The following PNKP variants were observed in gnomAD, a reference collection of about 807,000 sequenced individuals.
PNKP encodes polynucleotide kinase 3'-phosphatase, also known as bifunctional polynucleotide phosphatase/kinase.
PNKP carries 82 observed loss-of-function variants against 66.2 expected under a neutral mutation model. The ratio of observed to expected loss-of-function variants is 1.24; its 90% CI spans 1.04 to 1.49. PNKP has a LOEUF of 1.49. Ranked by LOEUF, PNKP falls within the 40% of genes most tolerant of loss-of-function variation. The pLI, the probability that PNKP is intolerant of heterozygous loss-of-function variation, is 0.00. For missense variants in PNKP, 907 were observed against 706.8 expected (o/e 1.28, Z -3.21); for synonymous variants, 412 against 298.9 (o/e 1.38, Z -3.90).
Position 49,861,469 on chromosome 19 carries a change from G to A in PNKP, c.1428C>T (p.Asp476=), listed in dbSNP as rs2074757222. Reference sequence around the variant, plus strand: ...AGTACCTGTAGCCATACATGACCATGTCTGACACGGGGATATGAGAGGAGT... The same window carrying A: ...AGTACCTGTAGCCATACATGACCATATCTGACACGGGGATATGAGAGGAGT... ...MTDSSHIPVS[D]MVMYGYRKQF... Residue 476 remains aspartate, a synonymous_variant, in exon 16 of 17, where the codon GAC becomes GAT. Coordinates refer to ENST00000322344, the MANE Select transcript of PNKP (RefSeq NM_007254.4). 1.9e-6 allele frequency: 3 copies of A among 1,613,416 alleles called. No individual in the cohort carries two copies. Among genetic ancestry groups the A allele is most frequent in the South Asian group, 2.2e-5 (2 of 91,060 alleles).
intron 4 of PNKP, among the ~76,000 whole-genome samples, 175 bp from the exon 5 acceptor site, chr19:49,864,578 G>T (rs887834666): frequency 6.6e-6 from 1 of 152,108 alleles, no homozygotes; most frequent in African/African-American, 2.4e-5. Flanking sequence ...CTCTGAGTGG[G>T]GCCCGACATC....
Position 49,861,597 on chromosome 19 carries a change from AGCGG to A in PNKP, c.1386+7_1386+10del. On this transcript the variant is annotated splice_region_variant and intron_variant, in intron 15 of 16. Coordinates refer to ENST00000322344, the MANE Select transcript of PNKP (RefSeq NM_007254.4). Reference sequence around the variant, plus strand: ...TGCAGCCCGGGGGGTGTCCGGGCTGAGCGGGCTCACCCGGTTGTTGTGGCGCGCC... The same window carrying A: ...TGCAGCCCGGGGGGTGTCCGGGCTGAGCTCACCCGGTTGTTGTGGCGCGCC... 1.3e-6 allele frequency: 2 copies of A among 1,559,500 alleles called. No individual in the cohort carries two copies. Among genetic ancestry groups the A allele is most frequent in the Non-Finnish European group, 1.7e-6 (2 of 1,152,962 alleles).
At chr19:49,861,994 GGA>G (rs765192654) in intron 13 of PNKP, 48 bp downstream of exon 13, 7 of 1,603,874 alleles carry the variant, frequency 4.4e-6, no homozygotes, top group Non-Finnish European at 5.1e-6. Context: ...GTTGAGAGGT[GGA>G]GATGGGAACT....
chr19:49,863,028 C>CAAAA (rs1568660924), intron 8 of PNKP, among the ~76,000 whole-genome samples: 1 of 152,146 alleles, frequency 6.6e-6, no homozygotes, highest in African/African-American at 2.4e-5. Flanking sequence ...GGCGTGCCGG[C>CAAAA]GCCTCCCAGG....
Position 49,862,546 on chromosome 19 carries a change from C to G in PNKP, c.928G>C (p.Asp310His), listed in dbSNP as rs749118287. The change falls in exon 10 of 17, where the codon GAT (aspartate) becomes CAT (histidine). Residue 310 changes from aspartate to histidine, a missense_variant. By Grantham distance (81) the Asp-to-His change is moderately conservative. Transcript: ENST00000322344. ...GGGGGCAGGGGCCTCACCAGGCGAT[C>G]GGCGCAGGAGAAGTCTTTCTTCTTC... ...GRKKKDFSCA[D>H]RLFALNLGLP... 2 of 1,610,078 alleles carry G rather than the reference C, an allele frequency of 1.2e-6. No homozygotes were observed. Among genetic ancestry groups the G allele is most frequent in the African/African-American group, 1.3e-5 (1 of 74,964 alleles).
Position 49,862,525 on chromosome 19 carries a change from G to GCAGGGGC in PNKP, c.936+6_936+12dup. On this transcript the variant is annotated intron_variant, in intron 10 of 16. Coordinates refer to ENST00000322344, the MANE Select transcript of PNKP (RefSeq NM_007254.4). ...GTCGGGCTCGGGCGCGGGGCAGGGGGCAGGGGCCTCACCAGGCGATCGGCG... is the reference window on the plus strand; with the variant it reads ...GTCGGGCTCGGGCGCGGGGCAGGGGGCAGGGGCCAGGGGCCTCACCAGGCGATCGGCG... The GCAGGGGC allele has an allele frequency of 6.2e-7, 1 of 1,606,704 alleles. No individual in the cohort carries two copies. Among genetic ancestry groups the GCAGGGGC allele is most frequent in the Non-Finnish European group, 8.5e-7 (1 of 1,176,382 alleles).
chr19:49,864,217 G>T lies in PNKP; in HGVS notation c.598C>A (p.Pro200Thr), dbSNP rs1555811465. 6.2e-7 allele frequency: 1 copy of T among 1,614,192 alleles called. No homozygotes were observed. The highest frequency in any genetic ancestry group is 8.5e-7 in the Non-Finnish European group (1 of 1,180,032). Residue 200 changes from proline (P) to threonine (T), a missense_variant, in exon 6 of 17, where the codon CCC (proline) becomes ACC (threonine). By Grantham distance (38) the Pro-to-Thr change is conservative (BLOSUM62 -1). Coordinates refer to ENST00000322344, the MANE Select transcript of PNKP (RefSeq NM_007254.4). ...GCTTCCAGCTCTCGGAGCTTACGGG[G>T]AATCTCTGGGTACAAGATCCTACGG... ...SDWRILYPEI[P>T]RKLRELEAEG... is the part of the protein sequence containing the mutation.
chr19:49,865,024 T>A lies in PNKP; in HGVS notation c.498+103A>T. The A allele has an allele frequency of 5.6e-6, 5 of 892,560 alleles. No individual in the cohort carries two copies. In the South Asian group the frequency reaches 7.4e-5, roughly 13 times the overall value. 55.3% of individuals were successfully genotyped at this position (892,560 alleles called of 1,614,324 possible). A position where few individuals can be genotyped will look rare whatever the true frequency, so the allele number is the denominator to read the frequency against. On this transcript the variant is annotated intron_variant, in intron 4 of 16. Transcript: ENST00000322344. ...CCCTGCATTTATCATTAGGCCCATT[T>A]CTCAGAAAAGTAAGTAGAGGCTAAA... is the stretch of plus-strand genomic sequence containing the variant.
rs1016887861 is a variant in PNKP at position 49,865,312 on chromosome 19, G to A, written c.313C>T (p.Arg105Cys). The change falls in exon 4 of 17, where the codon CGC becomes TGC. Residue 105 changes from arginine to cysteine, a missense_variant. Arg to Cys is a radical substitution (Grantham distance 180, BLOSUM62 -3). Transcript: ENST00000322344. ...LVNGLHPLTL[R>C]WEETRTPESQ... ...TCTGGTGTGCGGGTCTCTTCCCAGCGCAGGGTCAGTGGGTGGAGGCCATTG... is the reference window on the plus strand; with the variant it reads ...TCTGGTGTGCGGGTCTCTTCCCAGCACAGGGTCAGTGGGTGGAGGCCATTG... 3.1e-6 allele frequency: 5 copies of A among 1,614,018 alleles called. No individual in the cohort carries two copies. Among genetic ancestry groups the A allele is most frequent in the Non-Finnish European group, 1.7e-6 (2 of 1,180,006 alleles).
Position 49,861,763 on chromosome 19 carries a change from T to C in PNKP, c.1298+9A>G, listed in dbSNP as rs1467096075. On this transcript the variant is annotated intron_variant, in intron 14 of 16. Transcript: ENST00000322344. ...CCGCAGGCCACCTACGGCCCCGCGGTCACGCTACCTGGCGCGGCTCGCGGC... is the reference window on the plus strand; with the variant it reads ...CCGCAGGCCACCTACGGCCCCGCGGCCACGCTACCTGGCGCGGCTCGCGGC... The C allele has an allele frequency of 5.1e-6, 8 of 1,565,344 alleles. No homozygotes were observed. The highest frequency in any genetic ancestry group is 1.2e-5 in the South Asian group (1 of 85,686).
Position 49,867,211 on chromosome 19 carries a change from T to G in PNKP, c.-7A>C, listed in dbSNP as rs369053276. On this transcript the variant is annotated 5_prime_UTR_variant, in exon 2 of 17. Transcript: ENST00000322344. ...GGGCCTCCACCTCGCCCATCCTGGG[T>G]GCCGGCCTGGGGAGCAGGTAAACGG... is the stretch of plus-strand genomic sequence containing the variant. 8.5e-5 allele frequency: 136 copies of G among 1,609,032 alleles called. No individual in the cohort carries two copies. The South Asian group carries it at 1.4e-3, about 17-fold the overall frequency.
intron 4 of PNKP, 33 bp from the exon 5 acceptor site, chr19:49,864,436 C>G (rs1163456645): frequency 6.6e-7 from 1 of 1,514,020 alleles, no homozygotes; most frequent in Non-Finnish European, 9.2e-7. Context: ...AACAGCAGCA[C>G]TGTGATACCT....
intron 7 of PNKP, 35 bp from the exon 8 acceptor site, chr19:49,863,795 C>G (rs980980479): frequency 2.0e-6 from 3 of 1,532,292 alleles, no homozygotes; most frequent in Non-Finnish European, 2.7e-6. Flanking sequence ...CTTTAGCTCC[C>G]CCTCAAGCAC....
chr19:49,866,263 G>T lies in PNKP; in HGVS notation c.198+136C>A, dbSNP rs2074819380. On this transcript the variant is annotated intron_variant, in intron 3 of 16. Transcript: ENST00000322344. Reference sequence around the variant, plus strand: ...GATCCGCCCGCCTCGGCCTCCCAAAGTGCTGGGATTACAGGCTTGAGCCAC... The same window carrying T: ...GATCCGCCCGCCTCGGCCTCCCAAATTGCTGGGATTACAGGCTTGAGCCAC... 1.3e-5 allele frequency: 11 copies of T among 836,814 alleles called. No individual in the cohort carries two copies. In the South Asian group the frequency reaches 1.5e-4, roughly 11 times the overall value. 51.8% of individuals were successfully genotyped at this position (836,814 alleles called of 1,614,324 possible). A position where few individuals can be genotyped will look rare whatever the true frequency, so the allele number is the denominator to read the frequency against.
Position 49,867,128 on chromosome 19 carries a change from G to T in PNKP, c.77C>A (p.Ser26Ter). The change falls in exon 2 of 17, where the codon TCG becomes TAG. Residue 26 changes from serine (S) to a stop codon, truncating the protein, a stop_gained. Coordinates refer to ENST00000322344, the MANE Select transcript of PNKP (RefSeq NM_007254.4). LOFTEE classifies it high-confidence loss of function. ...PGGAPPIFLP[S>*]DGQALVLGRG... is the part of the protein sequence containing the mutation. ...GCCCAGGACCAGGGCTTGCCCGTCC[G>T]AGGGCAGGAAGATGGGGGGCGCTCC... 6.2e-7 allele frequency: 1 copy of T among 1,613,228 alleles called. No homozygotes were observed. Among genetic ancestry groups the T allele is most frequent in the Non-Finnish European group, 8.5e-7 (1 of 1,179,832 alleles).
chr19:49,861,421 C>T (rs1234468715), intron 16 of PNKP, 28 bp downstream of exon 16: 1 of 1,614,082 alleles, frequency 6.2e-7, no homozygotes, highest in African/African-American at 1.3e-5. Context: ...CAGCCAGTGC[C>T]CCTGCCCCCT....
chr19:49,862,197 C>G lies in PNKP; in HGVS notation c.1114G>C (p.Gly372Arg). ...SASPEVVVAV[G>R]FPGAGKSTFL... is the part of the protein sequence containing the mutation. ...ACAGGACACTTACCCCCAGGGAATC[C>G]CACTGCGACAACCACCTCCGGGCTG... is the stretch of plus-strand genomic sequence containing the variant. The change falls in exon 12 of 17, where the codon GGA becomes CGA. Residue 372 changes from glycine (G) to arginine (R), a missense_variant. Gly to Arg is a moderately radical substitution (Grantham distance 125, BLOSUM62 -2). Coordinates refer to ENST00000322344, the MANE Select transcript of PNKP (RefSeq NM_007254.4). 1.2e-6 allele frequency: 2 copies of G among 1,613,758 alleles called. No individual in the cohort carries two copies. The highest frequency in any genetic ancestry group is 8.5e-7 in the Non-Finnish European group (1 of 1,179,834).
chr19:49,863,621 C>T (rs547871392), intron 8 of PNKP, 68 bp downstream of exon 8: 145 of 1,220,124 alleles, frequency 1.2e-4, no homozygotes, highest in Non-Finnish European at 1.5e-4. Context: ...AACCGGAGGC[C>T]GGGGAGCCCA....
At position 49,867,221 on chromosome 19, in the gene PNKP, G is replaced by C; in HGVS notation, c.-13-4C>G. Reference sequence around the variant, plus strand: ...CTCGCCCATCCTGGGTGCCGGCCTGGGGAGCAGGTAAACGGGCTTGAGCGG... The same window carrying C: ...CTCGCCCATCCTGGGTGCCGGCCTGCGGAGCAGGTAAACGGGCTTGAGCGG... On this transcript the variant is annotated splice_polypyrimidine_tract_variant and splice_region_variant and intron_variant, in intron 1 of 16. Transcript: ENST00000322344. The C allele has an allele frequency of 1.2e-6, 2 of 1,606,162 alleles. No homozygotes were observed. Among genetic ancestry groups the C allele is most frequent in the Non-Finnish European group, 1.7e-6 (2 of 1,176,670 alleles).
Sources: allele counts gnomAD v4.1 joint callset (sites outside exome capture counted in the v4.1 genomes callset), GRCh38; gene constraint gnomAD v4.1.1; transcripts MANE v1.5; gene names NCBI Gene and HGNC (gene_info 2026-07-23, HGNC 2026-07-21).